KLF8: variants seen among roughly 807,000 people sequenced by gnomAD.
The protein encoded by KLF8 is KLF transcription factor 8.
A neutral mutation model predicts 18.2 loss-of-function variants in KLF8; 10 were observed. The ratio of observed to expected loss-of-function variants is 0.55; its 90% confidence interval spans 0.34 to 0.93. The LOEUF (loss-of-function observed/expected upper bound fraction) is 0.93. Among genes scored for constraint, KLF8 ranks in the 40% least tolerant of loss-of-function variants. The probability of loss-of-function intolerance (pLI) is 0.02; values close to 1 mark genes in which losing one functional copy is unlikely to be tolerated. For missense variants in KLF8, 264 were observed against 277.9 expected (o/e 0.95, Z 0.36); for synonymous variants, 109 against 97.3 (o/e 1.12, Z -0.71).
chrX:56,284,673 A>G lies in KLF8; in HGVS notation c.*179A>G. 1 of 340,681 alleles carries G rather than the reference A, an allele frequency of 2.9e-6. No homozygotes were observed. Among genetic ancestry groups the G allele is most frequent in the Admixed American group, 5.6e-5 (1 of 17,889 alleles). 28.1% of individuals were successfully genotyped at this position (340,681 alleles called of 1,213,427 possible). ...TCTCCCGTGGGGCTCTTCATATTCT[A>G]CCTTCACTTCTCCACTGTCCAGACC... On this transcript the variant is annotated 3_prime_UTR_variant, in exon 6 of 6. Coordinates refer to ENST00000468660, the MANE Select transcript of KLF8 (RefSeq NM_007250.5).
At chrX:56,052,379 T>A in the KLF8 span, among the ~76,000 whole-genome samples, 1 of 112,072 alleles carries the variant, frequency 8.9e-6, no homozygotes, top group African/African-American at 3.2e-5. Flanking sequence ...TCTGTTCTGT[T>A]TTTCCCCCAT....
At chrX:56,092,899 C>T in the KLF8 span, among the ~76,000 whole-genome samples, 1 of 108,474 alleles carries the variant, frequency 9.2e-6, no homozygotes, top group Non-Finnish European at 1.9e-5. Context: ...GCAGAAATGA[C>T]ATATGCCTTA....
intron 5 of KLF8, among the ~76,000 whole-genome samples, chrX:56,279,840 A>G (rs1429171191): frequency 8.9e-6 from 1 of 112,005 alleles, no homozygotes; most frequent in African/African-American, 3.2e-5. Context: ...TAAATGGGTA[A>G]AGCCCCATAG....
chrX:56,063,455 C>T, the KLF8 span, among the ~76,000 whole-genome samples: 1 of 111,632 alleles, frequency 9.0e-6, no homozygotes, highest in Non-Finnish European at 1.9e-5. Flanking sequence ...GCTGGAGGTC[C>T]ACTCTAGACC....
the KLF8 span, among the ~76,000 whole-genome samples, chrX:56,003,419 TAAA>T: frequency 9.4e-6 from 1 of 106,297 alleles, no homozygotes; most frequent in Non-Finnish European, 1.9e-5. Flanking sequence ...AATAAATAAA[TAAA>T]TAAATAAATA....
the KLF8 span, among the ~76,000 whole-genome samples, chrX:55,936,285 T>G: frequency 8.9e-6 from 1 of 112,298 alleles, no homozygotes; most frequent in Non-Finnish European, 1.9e-5. Context: ...CATCATATAT[T>G]GATTGTGAAC....
At chrX:56,193,173 AT>A in the KLF8 span, among the ~76,000 whole-genome samples, 1 of 112,664 alleles carries the variant, frequency 8.9e-6, no homozygotes, top group African/African-American at 3.2e-5. Flanking sequence ...TTAAAAAGAC[AT>A]TTCTCAAAAG....
chrX:56,160,185 G>A, the KLF8 span, among the ~76,000 whole-genome samples: 1 of 111,926 alleles, frequency 8.9e-6, no homozygotes, highest in Admixed American at 9.5e-5. Context: ...TAGTTTCCGT[G>A]TAGTTGAGCA....
chrX:56,068,530 CA>C, the KLF8 span, among the ~76,000 whole-genome samples: 5 of 111,711 alleles, frequency 4.5e-5, no homozygotes, highest in Admixed American at 1.9e-4. Flanking sequence ...TTTTGGTGAA[CA>C]ACCAAATTTT....
chrX:56,166,352 C>T, the KLF8 span, among the ~76,000 whole-genome samples: 6 of 111,892 alleles, frequency 5.4e-5, no homozygotes, highest in African/African-American at 1.9e-4. Context: ...CACTTTGCTG[C>T]TGCCTTGATT....
rs186207512 is a variant in KLF8, at chrX:56,259,835, A to G, written c.82-5345A>G. Among the ~76,000 whole-genome samples the G allele has an allele frequency of 4.3e-3, 476 of 111,388 alleles. 3 individuals carry two copies. Among genetic ancestry groups the G allele is most frequent in the African/African-American group, 0.014 (440 of 30,685 alleles). On this transcript the variant is annotated intron_variant, in intron 2 of 5. Transcript: ENST00000468660. ...AATAAATCTATATTAGTTTTGTCCT[A>G]AGCTATCTGGAGAATTCTCGGTTTG... is the stretch of plus-strand genomic sequence containing the variant.
At chrX:56,107,790 C>G in the KLF8 span, among the ~76,000 whole-genome samples, 3 of 111,330 alleles carry the variant, frequency 2.7e-5, no homozygotes, top group Non-Finnish European at 5.7e-5. Context: ...GCAGAAATCA[C>G]CCATCTTCTG....
the KLF8 span, among the ~76,000 whole-genome samples, chrX:56,020,442 T>C: frequency 9.0e-6 from 1 of 111,652 alleles, no homozygotes; most frequent in African/African-American, 3.3e-5. Context: ...GTAGTAGACA[T>C]TGGGCTGTAG....
the KLF8 span, among the ~76,000 whole-genome samples, chrX:56,028,017 A>G: frequency 8.9e-6 from 1 of 112,262 alleles, no homozygotes; most frequent in Non-Finnish European, 1.9e-5. Context: ...AGCTGGCAGG[A>G]CTGTCAGACA....
the KLF8 span, among the ~76,000 whole-genome samples, chrX:56,200,358 A>T: frequency 9.1e-6 from 1 of 109,814 alleles, no homozygotes; most frequent in African/African-American, 3.4e-5. Flanking sequence ...AATATAAAAC[A>T]TATAAAAATA....
the KLF8 span, among the ~76,000 whole-genome samples, chrX:56,166,138 T>TA: frequency 3.6e-4 from 38 of 106,712 alleles, no homozygotes; most frequent in Middle Eastern, 4.8e-3. Context: ...AGTGCTTTAT[T>TA]TTTTTTTTTT....
At chrX:56,128,561 A>T in the KLF8 span, among the ~76,000 whole-genome samples, 1 of 111,678 alleles carries the variant, frequency 9.0e-6, no homozygotes, top group Non-Finnish European at 1.9e-5. Context: ...GAAAATAAAG[A>T]AGTATGTCCA....
chrX:55,935,167 A>G, the KLF8 span, among the ~76,000 whole-genome samples: 1 of 112,590 alleles, frequency 8.9e-6, no homozygotes, highest in African/African-American at 3.2e-5. Context: ...GTAGGGAACT[A>G]TGAACAATCT....
the KLF8 span, among the ~76,000 whole-genome samples, chrX:56,142,811 C>T: frequency 2.7e-5 from 3 of 111,902 alleles, no homozygotes; most frequent in Non-Finnish European, 5.6e-5. Flanking sequence ...CTGTGACACT[C>T]TACATCCTAT....
Sources: allele counts gnomAD v4.1 joint callset (sites outside exome capture counted in the v4.1 genomes callset), GRCh38; gene constraint gnomAD v4.1.1; transcripts MANE v1.5; gene names NCBI Gene and HGNC (gene_info 2026-07-23, HGNC 2026-07-21).